The following SEPTIN9 variants were observed in gnomAD, a reference collection of about 807,000 sequenced individuals.
The protein encoded by SEPTIN9 is septin 9, also known as septin-9.
In SEPTIN9, 13 loss-of-function variants were observed where a neutral mutation model predicts 56.6. The ratio of observed to expected loss-of-function variants is 0.23; its 90% confidence interval spans 0.15 to 0.37. SEPTIN9 has a LOEUF of 0.37. Ranked by LOEUF, SEPTIN9 falls within the 10% of genes least tolerant of loss-of-function variation. The probability of loss-of-function intolerance (pLI) is 1.00; values close to 1 mark genes in which losing one functional copy is unlikely to be tolerated. For synonymous variants in SEPTIN9, 332 were observed against 334.1 expected, an observed-to-expected ratio of 0.99 and a Z score of 0.07; for missense variants, 650 against 823.1, an observed-to-expected ratio of 0.79 and a Z score of 2.57.
At chr17:77,424,204 C>G (rs1315616177) in intron 3 of SEPTIN9, among the ~76,000 whole-genome samples, 1 of 4,586 alleles carries the variant, frequency 2.2e-4, no homozygotes, top group East Asian at 6.6e-3. Context: ...GTTCCTGTTA[C>G]TACTGCAGAG....
At chr17:77,432,147 C>T (rs907614127) in intron 3 of SEPTIN9, among the ~76,000 whole-genome samples, 9 of 152,200 alleles carry the variant, frequency 5.9e-5, no homozygotes, top group African/African-American at 1.7e-4. Flanking sequence ...CCACATGCTA[C>T]CTGGACTCTG....
rs775300302 is a variant in SEPTIN9, at chr17:77,402,561, C to A, written c.579C>A (p.Pro193=). 6.2e-7 allele frequency: 1 copy of A among 1,610,482 alleles called. No individual in the cohort carries two copies. Among genetic ancestry groups the A allele is most frequent in the Admixed American group, 1.7e-5 (1 of 59,500 alleles). Residue 193 remains proline (P), a synonymous_variant, in exon 3 of 12, where the codon CCC becomes CCA. Transcript: ENST00000427177. This position sits in a 1 kb window ranked among gnomAD's most constrained non-coding sequence, Gnocchi z 6.6. ...CCAAGAGGGTGGAGATCCAGATGCC[C>A]AAGCCTGCTGAGGCGCCCACCGCCC... ...AAPKRVEIQM[P]KPAEAPTAPS...
chr17:77,349,781 C>T (rs2034000332), intron 2 of SEPTIN9, among the ~76,000 whole-genome samples: 1 of 152,102 alleles, frequency 6.6e-6, no homozygotes, highest in African/African-American at 2.4e-5. Context: ...AATATTTTGT[C>T]CAGAGCTATA....
chr17:77,466,433 C>T (rs1301964383), intron 3 of SEPTIN9: 1 of 985,396 alleles, frequency 1.0e-6, no homozygotes, highest in East Asian at 1.1e-4. Flanking sequence ...CAGGCTCCCA[C>T]CCCAGGAGCT....
At chr17:77,485,877 TGCCCAG>T (rs892057757) in intron 4 of SEPTIN9, among the ~76,000 whole-genome samples, 16 of 152,112 alleles carry the variant, frequency 1.1e-4, no homozygotes, top group Admixed American at 8.5e-4. Context: ...GTCTCATTGT[TGCCCAG>T]GCTGGAGTGC....
In SEPTIN9 at chr17:77,492,590, A is replaced by C; in HGVS notation, c.1381-31A>C. 4.4e-6 allele frequency: 7 copies of C among 1,588,896 alleles called. No individual in the cohort carries two copies. The highest frequency in any genetic ancestry group is 5.2e-6 in the Non-Finnish European group (6 of 1,157,184). On this transcript the variant is annotated intron_variant, in intron 8 of 11. Transcript: ENST00000427177. The surrounding 1 kb of genome is among the most constrained non-coding windows in gnomAD (Gnocchi z 5.4). ...TGGGTGGGTAGAGCTTGCCACAGGG[A>C]TGGGCCCATCTCTCTCCCTCCTTAT...
chr17:77,346,219 G>C (rs1179673927), intron 2 of SEPTIN9, among the ~76,000 whole-genome samples: 1 of 147,682 alleles, frequency 6.8e-6, no homozygotes, highest in Non-Finnish European at 1.5e-5. Flanking sequence ...TGGGATTACA[G>C]GCGTGAGCTA....
At chr17:77,392,133 A>G (rs985541434) in intron 2 of SEPTIN9, among the ~76,000 whole-genome samples, 2 of 152,166 alleles carry the variant, frequency 1.3e-5, no homozygotes, top group African/African-American at 4.8e-5. Context: ...ATCCAACCAC[A>G]GGCTCTGGCA....
chr17:77,470,202 T>G (rs550035180), intron 3 of SEPTIN9, among the ~76,000 whole-genome samples: 34 of 144,630 alleles, frequency 2.4e-4, no homozygotes, highest in African/African-American at 8.8e-4. Flanking sequence ...CATCCACTCA[T>G]CATCCGTCCA....
chr17:77,441,605 C>G (rs2037549518), intron 3 of SEPTIN9, among the ~76,000 whole-genome samples: 2 of 152,242 alleles, frequency 1.3e-5, no homozygotes, highest in Admixed American at 1.3e-4. Context: ...AACTGAGCTT[C>G]AGGGTGGCTA....
Position 77,421,513 on chromosome 17 carries a change from A to G in SEPTIN9, c.721+18810A>G, listed in dbSNP as rs764155891. ...ATGAGGGCTCCAGGTTGGCTCCGGC[A>G]AGAGCAGGGAGGCTCACGTCTCTGC... is the stretch of plus-strand genomic sequence containing the variant. On this transcript the variant is annotated intron_variant, in intron 3 of 11. Coordinates refer to ENST00000427177, the MANE Select transcript of SEPTIN9 (RefSeq NM_001113491.2). This position sits in a 1 kb window ranked among gnomAD's most constrained non-coding sequence, Gnocchi z 4.6. 9.2e-5 allele frequency among the ~76,000 whole-genome samples: 14 copies of G among 152,184 alleles called. No homozygotes were observed. Among genetic ancestry groups the G allele is most frequent in the Non-Finnish European group, 1.6e-4 (11 of 68,018 alleles).
chr17:77,385,841 G>A (rs1481667629), intron 2 of SEPTIN9, among the ~76,000 whole-genome samples: 1 of 152,228 alleles, frequency 6.6e-6, no homozygotes, highest in Non-Finnish European at 1.5e-5. Context: ...CTCTGCCCAG[G>A]AGGGTGAAGT....
At chr17:77,394,764 C>T (rs1375850045) in intron 2 of SEPTIN9, among the ~76,000 whole-genome samples, 1 of 152,160 alleles carries the variant, frequency 6.6e-6, no homozygotes, top group Admixed American at 6.5e-5. Flanking sequence ...GCCAGGCAGC[C>T]TGTGGTCAGA....
chr17:77,383,837 G>C (rs1176806098), intron 2 of SEPTIN9, among the ~76,000 whole-genome samples: 2 of 152,238 alleles, frequency 1.3e-5, no homozygotes, highest in African/African-American at 4.8e-5. Flanking sequence ...CCTTGCCCTT[G>C]CCCACACGGC....
chr17:77,404,533 C>A (rs959346464), intron 3 of SEPTIN9, among the ~76,000 whole-genome samples: 1 of 152,200 alleles, frequency 6.6e-6, no homozygotes. Flanking sequence ...TAGGCATGAG[C>A]CACCCAACCC....
At chr17:77,493,311 G>T (rs540705452) in intron 10 of SEPTIN9, 111 of 550,996 alleles carry the variant, frequency 2.0e-4, no homozygotes, top group African/African-American at 1.7e-3. Flanking sequence ...AAGATTCAGG[G>T]AGACAGGAGC....
rs1568128904 is a variant in SEPTIN9 at position 77,499,254 on chromosome 17, C to T, written c.*596C>T. On this transcript the variant is annotated 3_prime_UTR_variant, in exon 12 of 12. Coordinates refer to ENST00000427177, the MANE Select transcript of SEPTIN9 (RefSeq NM_001113491.2). Reference sequence around the variant, plus strand: ...ACCGACTGCCCAGCCACTCCAAGCCCCCTGGCAGCTGCCCCTCCTGGAGCA... The same window carrying T: ...ACCGACTGCCCAGCCACTCCAAGCCTCCTGGCAGCTGCCCCTCCTGGAGCA... 1.7e-6 allele frequency: 1 copy of T among 596,682 alleles called. No individual in the cohort carries two copies. 37.0% of individuals were successfully genotyped at this position (596,682 alleles called of 1,614,324 possible).
At chr17:77,462,493 G>A (rs976559880) in intron 3 of SEPTIN9, among the ~76,000 whole-genome samples, 27 of 152,216 alleles carry the variant, frequency 1.8e-4, no homozygotes, top group African/African-American at 2.4e-4. Context: ...TATGTTGCCC[G>A]GGCTGGTCTC....
chr17:77,369,304 A>G lies in SEPTIN9; in HGVS notation c.77-32755A>G, dbSNP rs932815386. 6.6e-6 allele frequency among the ~76,000 whole-genome samples: 1 copy of G among 152,208 alleles called. No homozygotes were observed. The highest frequency in any genetic ancestry group is 2.4e-5 in the African/African-American group (1 of 41,462). The stretch of plus-strand genomic sequence containing the variant: ...ACCACAGGAATAGGCAAGCGCTACA[A>G]ATCGGGAAACTGAGTGTTGTTGCTT... On this transcript the variant is annotated intron_variant, in intron 2 of 11. Coordinates refer to ENST00000427177, the MANE Select transcript of SEPTIN9 (RefSeq NM_001113491.2). The surrounding 1 kb of genome is among the most constrained non-coding windows in gnomAD (Gnocchi z 4.9).
Sources: allele counts gnomAD v4.1 joint callset (sites outside exome capture counted in the v4.1 genomes callset), GRCh38; gene constraint gnomAD v4.1.1; non-coding constraint Gnocchi (gnomAD v3.1); transcripts MANE v1.5; gene names NCBI Gene and HGNC (gene_info 2026-07-23, HGNC 2026-07-21).